Variants in PPP1R16B observed in about 807,000 individuals in gnomAD.
PPP1R16B encodes protein phosphatase 1 regulatory inhibitor subunit 16B.
In PPP1R16B, 14 loss-of-function variants were observed where a neutral mutation model predicts 61.7. The ratio of observed to expected loss-of-function variants is 0.23; its 90% CI spans 0.15 to 0.35. PPP1R16B has a LOEUF of 0.35. Ranked by LOEUF, PPP1R16B falls within the 10% of genes least tolerant of loss-of-function variation. PPP1R16B has a pLI of 1.00. For missense variants in PPP1R16B, 547 were observed against 752.5 expected (o/e 0.73, Z 3.19); for synonymous variants, 266 against 305.3 (o/e 0.87, Z 1.34).
At chr20:38,817,437 T>C (rs909958416) in intron 1 of PPP1R16B, among the ~76,000 whole-genome samples, 3 of 151,914 alleles carry the variant, frequency 2.0e-5, no homozygotes. Flanking sequence ...TGGTTGTGTG[T>C]GCCTGTAATC....
At chr20:38,831,414 T>C (rs2084836436) in intron 1 of PPP1R16B, among the ~76,000 whole-genome samples, 2 of 152,258 alleles carry the variant, frequency 1.3e-5, no homozygotes, top group Admixed American at 6.5e-5. Context: ...TTCACCCTGC[T>C]GTGTGTTGGG....
chr20:38,903,739 T>C (rs2085417458), intron 6 of PPP1R16B, among the ~76,000 whole-genome samples: 1 of 152,200 alleles, frequency 6.6e-6, no homozygotes, highest in Admixed American at 6.5e-5. Context: ...CAAATCCGCC[T>C]GGTTAACTCC....
At chr20:38,808,333 TG>T (rs1273674994) in intron 1 of PPP1R16B, among the ~76,000 whole-genome samples, 1 of 152,152 alleles carries the variant, frequency 6.6e-6, no homozygotes, top group Non-Finnish European at 1.5e-5. Flanking sequence ...GTGCTGTGCT[TG>T]GACTCTTGGG....
At chr20:38,905,933 C>A (rs200001614) in intron 6 of PPP1R16B, 36 bp from the exon 7 acceptor site, 2 of 1,599,136 alleles carry the variant, frequency 1.3e-6, no homozygotes, top group Non-Finnish European at 1.7e-6. Context: ...TGGGGCTGAT[C>A]CCCTGAGGAA....
intron 2 of PPP1R16B, among the ~76,000 whole-genome samples, chr20:38,865,342 T>G (rs980989737): frequency 1.3e-5 from 2 of 149,690 alleles, no homozygotes; most frequent in Non-Finnish European, 3.0e-5. Context: ...CAGGCTGGAG[T>G]GCAGTGGCGC....
Position 38,919,356 on chromosome 20 carries a change from T to C in PPP1R16B, c.*690T>C, listed in dbSNP as rs2085572254. 6.6e-6 allele frequency: 1 copy of C among 152,292 alleles called. No individual in the cohort carries two copies. The highest frequency in any genetic ancestry group is 6.5e-5 in the Admixed American group (1 of 15,270). The allele number at this position is 152,292 out of a possible 1,614,324, so 9.4% of individuals were successfully genotyped here. A position where few individuals can be genotyped will look rare whatever the true frequency, so the allele number is the denominator to read the frequency against. ...GCAGCCTTGTTGAGAGCCACACTTC[T>C]GCCCATGCCAGGAGCCAGCTGTGTG... On this transcript the variant is annotated 3_prime_UTR_variant, in exon 11 of 11. Coordinates refer to ENST00000299824, the MANE Select transcript of PPP1R16B (RefSeq NM_015568.4).
chr20:38,813,828 A>C (rs989665248), intron 1 of PPP1R16B, among the ~76,000 whole-genome samples: 5 of 150,062 alleles, frequency 3.3e-5, no homozygotes, highest in African/African-American at 1.2e-4. Flanking sequence ...ACACAGTCTC[A>C]CTCTGTCGTC....
At chr20:38,880,111 A>C (rs2085194332) in intron 2 of PPP1R16B, among the ~76,000 whole-genome samples, 1 of 152,210 alleles carries the variant, frequency 6.6e-6, no homozygotes, top group South Asian at 2.1e-4. Flanking sequence ...CCTGAACTAC[A>C]TCACAGGAGC....
chr20:38,849,589 T>C (rs1047217994), intron 2 of PPP1R16B, among the ~76,000 whole-genome samples: 3 of 152,002 alleles, frequency 2.0e-5, no homozygotes, highest in African/African-American at 7.3e-5. Context: ...TTGACTCATA[T>C]TGAATTTATA....
At chr20:38,887,053 G>C (rs1451613370) in intron 2 of PPP1R16B, among the ~76,000 whole-genome samples, 1 of 142,094 alleles carries the variant, frequency 7.0e-6, no homozygotes, top group Non-Finnish European at 1.5e-5. Flanking sequence ...TGGGGCAAAG[G>C]TGTGTGTGTG....
At chr20:38,909,526 G>T (rs1568685288) in intron 10 of PPP1R16B, among the ~76,000 whole-genome samples, 1 of 152,148 alleles carries the variant, frequency 6.6e-6, no homozygotes, top group African/African-American at 2.4e-5. Flanking sequence ...AACAAGTTTG[G>T]GGCTGGAGTG....
chr20:38,857,718 G>C (rs770247573), intron 2 of PPP1R16B, among the ~76,000 whole-genome samples: 1 of 152,110 alleles, frequency 6.6e-6, no homozygotes, highest in African/African-American at 2.4e-5. Flanking sequence ...TTCCAGTCTT[G>C]GTGTGCTCTG....
intron 2 of PPP1R16B, among the ~76,000 whole-genome samples, chr20:38,868,390 T>G (rs75130723): frequency 0.02 from 2,994 of 151,994 alleles, 109 homozygotes; most frequent in African/African-American, 0.069. Context: ...ATGGTAAGTT[T>G]TTTTTTTTTT....
At chr20:38,838,877 C>T (rs1455275320) in intron 2 of PPP1R16B, among the ~76,000 whole-genome samples, 1 of 152,168 alleles carries the variant, frequency 6.6e-6, no homozygotes, top group East Asian at 1.9e-4. Context: ...CGCAGCCCTG[C>T]CTGTGACTTT....
At chr20:38,906,128 G>T (rs376710179) in intron 7 of PPP1R16B, 34 bp downstream of exon 7, 2 of 1,600,448 alleles carry the variant, frequency 1.2e-6, no homozygotes, top group African/African-American at 2.7e-5. Context: ...GGGGGAGGCC[G>T]GCACAGGGCT....
intron 1 of PPP1R16B, among the ~76,000 whole-genome samples, chr20:38,828,843 A>G (rs1222377230): frequency 6.6e-6 from 1 of 152,248 alleles, no homozygotes; most frequent in Non-Finnish European, 1.5e-5. Context: ...TAGTTTTCCC[A>G]GAGGTATATT....
chr20:38,889,822 T>C (rs958009643), intron 3 of PPP1R16B, among the ~76,000 whole-genome samples, 157 bp downstream of exon 3: 1 of 152,154 alleles, frequency 6.6e-6, no homozygotes, highest in Non-Finnish European at 1.5e-5. Context: ...CTTGTCTACT[T>C]TGGAGATACG....
intron 2 of PPP1R16B, among the ~76,000 whole-genome samples, chr20:38,881,635 C>T (rs2085204401): frequency 6.6e-6 from 1 of 152,180 alleles, no homozygotes; most frequent in African/African-American, 2.4e-5. Context: ...ACCTCAGGCT[C>T]AGTGTTCACT....
intron 3 of PPP1R16B, among the ~76,000 whole-genome samples, chr20:38,891,513 C>A (rs752831242): frequency 6.6e-6 from 1 of 152,162 alleles, no homozygotes; most frequent in African/African-American, 2.4e-5. Flanking sequence ...ATATTATCAT[C>A]CCCAGGCCAG....
Sources: allele counts gnomAD v4.1 joint callset (sites outside exome capture counted in the v4.1 genomes callset), GRCh38; gene constraint gnomAD v4.1.1; transcripts MANE v1.5; gene names NCBI Gene and HGNC (gene_info 2026-07-23, HGNC 2026-07-21).